Variants in CSTPP1 observed in about 807,000 individuals in gnomAD.
CSTPP1 encodes the protein UPF0705 protein C11orf49.
the CSTPP1 span, among the ~76,000 whole-genome samples, chr11:47,055,908 A>G: frequency 1.3e-5 from 2 of 152,252 alleles, no homozygotes; most frequent in Admixed American, 6.5e-5. Context: ...TAAGTAATTC[A>G]GAAAAACTAT....
At chr11:47,100,853 C>A in the CSTPP1 span, among the ~76,000 whole-genome samples, 1 of 120,446 alleles carries the variant, frequency 8.3e-6, no homozygotes, top group East Asian at 2.0e-4. Context: ...TACAGTATAA[C>A]CTTCTCTGAA....
At chr11:47,035,649 C>CTG in the CSTPP1 span, among the ~76,000 whole-genome samples, 3 of 152,072 alleles carry the variant, frequency 2.0e-5, no homozygotes, top group Non-Finnish European at 4.4e-5. Context: ...CATGTATGGT[C>CTG]TGTGTGTGTG....
the CSTPP1 span, among the ~76,000 whole-genome samples, chr11:47,082,576 A>C: frequency 6.6e-6 from 1 of 152,206 alleles, no homozygotes; most frequent in African/African-American, 2.4e-5. Flanking sequence ...ATACCATACA[A>C]TTCACCTATT....
the CSTPP1 span, chr11:47,164,204 A>G: frequency 6.2e-6 from 10 of 1,613,844 alleles, no homozygotes; most frequent in South Asian, 8.8e-5. Context: ...GAGTGTCCTC[A>G]GCTTCGGTAC....
the CSTPP1 span, among the ~76,000 whole-genome samples, chr11:47,133,825 A>C: frequency 6.6e-6 from 1 of 152,186 alleles, no homozygotes; most frequent in East Asian, 1.9e-4. Flanking sequence ...TCTACCTCTT[A>C]AGTGTGCACA....
chr11:47,140,574 G>T, the CSTPP1 span, among the ~76,000 whole-genome samples: 1 of 151,896 alleles, frequency 6.6e-6, no homozygotes, highest in Non-Finnish European at 1.5e-5. Flanking sequence ...GGGATTATAG[G>T]TGTGCACACC....
the CSTPP1 span, among the ~76,000 whole-genome samples, chr11:47,151,739 C>A: frequency 6.6e-6 from 1 of 151,518 alleles, no homozygotes; most frequent in Non-Finnish European, 1.5e-5. Context: ...TGAAAAAAAA[C>A]CCTCAGTCCT....
the CSTPP1 span, chr11:46,936,850 G>A: frequency 1.0e-5 from 16 of 1,590,834 alleles, no homozygotes; most frequent in Admixed American, 7.1e-5. Context: ...ACGAGTATCT[G>A]GGTAGGAACC....
the CSTPP1 span, among the ~76,000 whole-genome samples, chr11:47,055,365 C>T: frequency 4.2e-5 from 6 of 143,810 alleles, no homozygotes; most frequent in Admixed American, 4.2e-4. Flanking sequence ...CCCTCCCCTC[C>T]CTTCCTTCCT....
At chr11:47,113,293 A>G in the CSTPP1 span, among the ~76,000 whole-genome samples, 3 of 152,234 alleles carry the variant, frequency 2.0e-5, no homozygotes, top group East Asian at 5.8e-4. Flanking sequence ...TAGTGCCACA[A>G]TAAACATACG....
the CSTPP1 span, among the ~76,000 whole-genome samples, chr11:47,106,634 C>A: frequency 6.6e-5 from 10 of 150,430 alleles, no homozygotes; most frequent in Non-Finnish European, 1.2e-4. Flanking sequence ...TAGAGCAAGA[C>A]CCTATCTCAA....
At chr11:46,983,588 T>C in the CSTPP1 span, among the ~76,000 whole-genome samples, 1 of 152,164 alleles carries the variant, frequency 6.6e-6, no homozygotes, top group African/African-American at 2.4e-5. Flanking sequence ...GGGATGCAGG[T>C]GTGCTGTTTT....
At chr11:47,162,490 T>C in the CSTPP1 span, among the ~76,000 whole-genome samples, 1 of 152,110 alleles carries the variant, frequency 6.6e-6, no homozygotes, top group Non-Finnish European at 1.5e-5. Context: ...TCCCATAACT[T>C]TAAAGACCGT....
chr11:47,009,745 T>A, the CSTPP1 span, among the ~76,000 whole-genome samples: 1 of 151,402 alleles, frequency 6.6e-6, no homozygotes, highest in Admixed American at 6.6e-5. Flanking sequence ...TGCAGGGAGG[T>A]TGCAGTGACC....
chr11:47,001,059 G>A, the CSTPP1 span, among the ~76,000 whole-genome samples: 7 of 152,178 alleles, frequency 4.6e-5, no homozygotes, highest in African/African-American at 9.6e-5. Context: ...AAGAGATGAC[G>A]ATTGAGAGCT....
At chr11:47,005,029 A>C in the CSTPP1 span, among the ~76,000 whole-genome samples, 2 of 152,204 alleles carry the variant, frequency 1.3e-5, no homozygotes, top group Admixed American at 1.3e-4. Context: ...GTTCATCTGC[A>C]CACTCTCATA....
At chr11:47,022,751 G>C in the CSTPP1 span, among the ~76,000 whole-genome samples, 1 of 152,080 alleles carries the variant, frequency 6.6e-6, no homozygotes, top group East Asian at 1.9e-4. Context: ...TTTTAGAAAA[G>C]TTCCTAAAAT....
chr11:47,152,533 G>T, the CSTPP1 span, among the ~76,000 whole-genome samples: 1 of 150,364 alleles, frequency 6.7e-6, no homozygotes, highest in Admixed American at 6.7e-5. Context: ...CTGCGAGGCA[G>T]GGGTAGCCCT....
At chr11:47,158,861 ATCC>A in the CSTPP1 span, among the ~76,000 whole-genome samples, 1 of 152,042 alleles carries the variant, frequency 6.6e-6, no homozygotes, top group Non-Finnish European at 1.5e-5. Context: ...GTCTCGAGAG[ATCC>A]TCCTGCTGTG....
Sources: allele counts gnomAD v4.1 joint callset (sites outside exome capture counted in the v4.1 genomes callset), GRCh38; gene constraint gnomAD v4.1.1; transcripts MANE v1.5; gene names NCBI Gene and HGNC (gene_info 2026-07-23, HGNC 2026-07-21).